PLS1: variants seen among roughly 807,000 people sequenced by gnomAD.
PLS1 encodes the protein plastin 1, also known as plastin-1.
PLS1 carries 32 observed loss-of-function variants against 73.7 expected under a neutral mutation model. That is an observed-to-expected ratio of 0.43 (90% CI 0.33 to 0.58). The LOEUF (loss-of-function observed/expected upper bound fraction) is 0.58. Among genes scored for constraint, PLS1 ranks in the 20% least tolerant of loss-of-function variants. The probability of loss-of-function intolerance (pLI) is 0.04; values close to 1 mark genes in which losing one functional copy is unlikely to be tolerated. For synonymous variants in PLS1, 217 were observed against 261.3 expected, an observed-to-expected ratio of 0.83 and a Z score of 1.63; for missense variants, 633 against 740.5, an observed-to-expected ratio of 0.85 and a Z score of 1.68.
intron 11 of PLS1, among the ~76,000 whole-genome samples, chr3:142,695,677 G>A (rs746294953): frequency 2.0e-5 from 3 of 152,100 alleles, no homozygotes; most frequent in Admixed American, 2.0e-4. Flanking sequence ...ATTTGTATTC[G>A]AATTTTAAAA....
intron 1 of PLS1, chr3:142,619,779 T>C (rs1430878133): frequency 6.6e-6 from 1 of 152,216 alleles, no homozygotes; most frequent in Non-Finnish European, 1.5e-5. Flanking sequence ...TTGCTAATAA[T>C]GTCTCATATA....
chr3:142,688,995 G>A (rs73868116), intron 9 of PLS1, among the ~76,000 whole-genome samples: 6,411 of 152,154 alleles, frequency 0.042, 433 homozygotes, highest in African/African-American at 0.15. Context: ...CTACTAGCTG[G>A]TCTTGAATAA....
At position 142,689,697 on chromosome 3, in the gene PLS1, C is replaced by A. The variant is rs1309193032; in HGVS notation, c.1061C>A (p.Ala354Glu). ...KLGCKQFVTP[A>E]DVVSGNPKLN... ...GGCTGCAAACAGTTTGTTACTCCTG[C>A]AGATGTGGTTTCAGGCAATCCTAAA... Residue 354 changes from alanine to glutamate, a missense_variant, in exon 10 of 16, where the codon GCA becomes GAA. Physicochemically the swap from Ala to Glu is moderately radical, Grantham distance 107. Coordinates refer to ENST00000457734, the MANE Select transcript of PLS1 (RefSeq NM_001145319.2). 3.1e-6 allele frequency: 5 copies of A among 1,611,076 alleles called. No individual in the cohort carries two copies. The Admixed American group carries it at 5.0e-5, about 16-fold the overall frequency.
chr3:142,614,621 CAGAGG>C (rs1187191233), intron 1 of PLS1, among the ~76,000 whole-genome samples: 2 of 152,324 alleles, frequency 1.3e-5, no homozygotes, highest in East Asian at 3.9e-4. Flanking sequence ...CAATGAGCCA[CAGAGG>C]ACATGTGTCC....
At chr3:142,671,647 A>G (rs900935602) in intron 4 of PLS1, among the ~76,000 whole-genome samples, 5 of 152,114 alleles carry the variant, frequency 3.3e-5, no homozygotes, top group Non-Finnish European at 7.4e-5. Flanking sequence ...CCACTGGACC[A>G]TTGCCCAGTG....
At chr3:142,643,137 C>A (rs964476281) in intron 1 of PLS1, among the ~76,000 whole-genome samples, 1 of 152,050 alleles carries the variant, frequency 6.6e-6, no homozygotes, top group Non-Finnish European at 1.5e-5. Flanking sequence ...GAATTAAATT[C>A]CTTAACATAA....
At chr3:142,644,440 A>T (rs577044691) in intron 1 of PLS1, among the ~76,000 whole-genome samples, 1 of 151,826 alleles carries the variant, frequency 6.6e-6, no homozygotes, top group African/African-American at 2.4e-5. Flanking sequence ...TTTCATAGAG[A>T]TGGGGTCTCT....
At chr3:142,670,290 T>C (rs919667424) in intron 3 of PLS1, among the ~76,000 whole-genome samples, 3 of 152,114 alleles carry the variant, frequency 2.0e-5, no homozygotes, top group African/African-American at 7.2e-5. Flanking sequence ...AGATGGTGAA[T>C]ATTCTCAAGC....
intron 1 of PLS1, among the ~76,000 whole-genome samples, chr3:142,632,789 G>A (rs1016447718): frequency 1.3e-5 from 2 of 152,048 alleles, no homozygotes; most frequent in African/African-American, 2.4e-5. Flanking sequence ...AGTAGAAATG[G>A]GGTTTTACCA....
chr3:142,679,348 C>T (rs1234590838), intron 6 of PLS1, among the ~76,000 whole-genome samples: 1 of 149,894 alleles, frequency 6.7e-6, no homozygotes, highest in Non-Finnish European at 1.5e-5. Context: ...AGTCCTTGCC[C>T]ATGCCTATGT....
intron 1 of PLS1, among the ~76,000 whole-genome samples, chr3:142,613,018 C>T (rs1482192970): frequency 3.9e-5 from 6 of 152,052 alleles, no homozygotes; most frequent in South Asian, 2.1e-4. Context: ...TGCCTGCCTC[C>T]GCCTCCCAAA....
At chr3:142,702,630 C>A (rs776611132) in intron 12 of PLS1, among the ~76,000 whole-genome samples, 41 of 151,956 alleles carry the variant, frequency 2.7e-4, no homozygotes, top group Non-Finnish European at 5.1e-4. Flanking sequence ...TTCACTGGAG[C>A]AAAAAGACTC....
chr3:142,680,319 C>T (rs149234721), intron 6 of PLS1, among the ~76,000 whole-genome samples: 2 of 152,248 alleles, frequency 1.3e-5, no homozygotes, highest in African/African-American at 4.8e-5. Flanking sequence ...CCTGCTTCAG[C>T]CTCCCAAAGT....
At chr3:142,601,951 A>G (rs1326333008) in intron 1 of PLS1, among the ~76,000 whole-genome samples, 1 of 152,162 alleles carries the variant, frequency 6.6e-6, no homozygotes, top group African/African-American at 2.4e-5. Flanking sequence ...CTGAGCGCTC[A>G]AATAACTTAA....
chr3:142,711,732 T>C (rs1933137634), intron 15 of PLS1, 107 bp downstream of exon 15: 3 of 1,285,256 alleles, frequency 2.3e-6, no homozygotes, highest in South Asian at 1.4e-5. Flanking sequence ...ATATAACTTA[T>C]ATGTGAGTCT....
Position 142,686,370 on chromosome 3 carries a change from A to C in PLS1, c.975A>C (p.Gly325=), listed in dbSNP as rs906966526. 4.4e-6 allele frequency: 7 copies of C among 1,582,318 alleles called. No homozygotes were observed. The highest frequency in any genetic ancestry group is 1.7e-5 in the Admixed American group (1 of 59,974). The change falls in exon 9 of 16, where the codon GGA becomes GGC. Residue 325 remains glycine (G), a synonymous_variant. Coordinates refer to ENST00000457734, the MANE Select transcript of PLS1 (RefSeq NM_001145319.2). The part of the protein sequence containing the change: ...DGPAIAIDLS[G]INETNDLKRA... ...CTGCCATTGCCATTGACCTTTCAGG[A>C]ATTAATGTGAGTGCAATTTTTAACT...
rs1457873153 is a variant in PLS1, at chr3:142,678,127, C to T, written c.579+14C>T. ...TTCACTATTTCTGTAAGTATTTGCC[C>T]TTTGCTTATTATCATGTTACTATGC... On this transcript the variant is annotated intron_variant, in intron 6 of 15. Transcript: ENST00000457734. 7.4e-7 allele frequency: 1 copy of T among 1,349,164 alleles called. No individual in the cohort carries two copies. The highest frequency in any genetic ancestry group is 1.0e-6 in the Non-Finnish European group (1 of 977,114). 83.6% of individuals were successfully genotyped at this position (1,349,164 alleles called of 1,614,324 possible). A position where few individuals can be genotyped will look rare whatever the true frequency, so the allele number is the denominator to read the frequency against.
chr3:142,689,341 T>G (rs2038038408), intron 9 of PLS1, among the ~76,000 whole-genome samples: 1 of 151,994 alleles, frequency 6.6e-6, no homozygotes, highest in Admixed American at 6.6e-5. Context: ...GAGAATCACT[T>G]GAACCTAAGA....
intron 2 of PLS1, among the ~76,000 whole-genome samples, chr3:142,667,828 T>C (rs1006482714): frequency 1.3e-5 from 2 of 152,258 alleles, no homozygotes; most frequent in Non-Finnish European, 2.9e-5. Flanking sequence ...GAAACAGTTC[T>C]GAACTGGTCA....
Sources: allele counts gnomAD v4.1 joint callset (sites outside exome capture counted in the v4.1 genomes callset), GRCh38; gene constraint gnomAD v4.1.1; transcripts MANE v1.5; gene names NCBI Gene and HGNC (gene_info 2026-07-23, HGNC 2026-07-21).